Variants in MACROD2 observed in about 807,000 individuals in gnomAD.
MACROD2 encodes the protein mono-ADP ribosylhydrolase 2, also known as ADP-ribose glycohydrolase MACROD2.
In MACROD2, 36 loss-of-function variants were observed where a neutral mutation model predicts 70.4. The ratio of observed to expected loss-of-function variants is 0.51; its 90% CI spans 0.39 to 0.68. The LOEUF is 0.68. MACROD2 is among the 30% of genes least tolerant of loss of function. The pLI is 0.00. For missense variants in MACROD2, 496 were observed against 538.4 expected, an observed-to-expected ratio of 0.92 and a Z score of 0.78; for synonymous variants, 172 against 178.8, an observed-to-expected ratio of 0.96 and a Z score of 0.30.
intron 3 of MACROD2, among the ~76,000 whole-genome samples, chr20:14,100,132 C>A (rs2054278858): frequency 6.6e-6 from 1 of 151,838 alleles, no homozygotes; most frequent in African/African-American, 2.4e-5. Flanking sequence ...ATTATTATTA[C>A]TACTATCACT....
At chr20:15,808,038 G>A (rs968005967) in intron 8 of MACROD2, among the ~76,000 whole-genome samples, 2 of 152,110 alleles carry the variant, frequency 1.3e-5, no homozygotes, top group Non-Finnish European at 2.9e-5. Context: ...TTACCGGTGT[G>A]TGCATCCCCC....
intron 4 of MACROD2, among the ~76,000 whole-genome samples, chr20:14,583,158 G>A (rs1013647275): frequency 6.6e-6 from 1 of 152,194 alleles, no homozygotes; most frequent in Non-Finnish European, 1.5e-5. Context: ...GGACAGTTCT[G>A]TGCAAGCTCA....
intron 5 of MACROD2, among the ~76,000 whole-genome samples, chr20:14,999,134 C>T (rs959504501): frequency 6.6e-6 from 1 of 152,152 alleles, no homozygotes; most frequent in African/African-American, 2.4e-5. Context: ...ACAAGAAATG[C>T]TAAGGGAACT....
intron 3 of MACROD2, among the ~76,000 whole-genome samples, chr20:14,100,786 A>T (rs1032851458): frequency 7.2e-6 from 1 of 138,686 alleles, no homozygotes; most frequent in African/African-American, 2.7e-5. Flanking sequence ...TATATTACAT[A>T]TTATATATTA....
intron 8 of MACROD2, among the ~76,000 whole-genome samples, chr20:15,518,033 A>G (rs1401638079): frequency 6.6e-6 from 1 of 152,248 alleles, no homozygotes; most frequent in Admixed American, 6.5e-5. Context: ...CATTCTTTTC[A>G]AAGGCATCTG....
chr20:14,155,603 A>G (rs915541622), intron 3 of MACROD2, among the ~76,000 whole-genome samples: 2 of 152,184 alleles, frequency 1.3e-5, no homozygotes, highest in Non-Finnish European at 2.9e-5. Flanking sequence ...CTTTATTTAA[A>G]CAAGTCAAGA....
chr20:14,127,820 G>T (rs2054671514), intron 3 of MACROD2: 3 of 458,394 alleles, frequency 6.5e-6, no homozygotes, highest in Non-Finnish European at 8.6e-6. Flanking sequence ...GAGAGAAGGA[G>T]AAAAAACAGC....
intron 5 of MACROD2, among the ~76,000 whole-genome samples, chr20:14,931,778 G>A (rs530614960): frequency 7.3e-5 from 11 of 151,500 alleles, no homozygotes; most frequent in Non-Finnish European, 1.3e-4. Context: ...TGGGAAGATC[G>A]CTTGAGGCTA....
intron 2 of MACROD2, chr20:14,053,435 C>G (rs1460278833): frequency 6.6e-6 from 1 of 151,938 alleles, no homozygotes; most frequent in Non-Finnish European, 1.5e-5. Flanking sequence ...AATTATGTCT[C>G]TGCTGTGGGC....
At chr20:14,768,492 T>G (rs573673255) in intron 5 of MACROD2, among the ~76,000 whole-genome samples, 1 of 152,176 alleles carries the variant, frequency 6.6e-6, no homozygotes, top group South Asian at 2.1e-4. Flanking sequence ...CTTTTTAACA[T>G]TTTTAAAGTT....
At chr20:14,254,002 C>A (rs1258388813) in intron 3 of MACROD2, among the ~76,000 whole-genome samples, 1 of 151,334 alleles carries the variant, frequency 6.6e-6, no homozygotes. Flanking sequence ...TTTCTAAATG[C>A]CTGATAATTT....
intron 6 of MACROD2, among the ~76,000 whole-genome samples, chr20:15,359,522 CTTAA>C (rs937976452): frequency 1.1e-4 from 16 of 150,882 alleles, no homozygotes; most frequent in Middle Eastern, 3.4e-3. Context: ...ACAATAATTT[CTTAA>C]TTTATTAATT....
intron 3 of MACROD2, among the ~76,000 whole-genome samples, chr20:14,336,635 G>GCATA (rs1258121537): frequency 2.0e-5 from 3 of 152,166 alleles, no homozygotes; most frequent in Non-Finnish European, 4.4e-5. Context: ...CAAACTCACT[G>GCATA]CATACATCAG....
Position 14,882,200 on chromosome 20 carries a change from T to C in MACROD2, c.418+197241T>C, listed in dbSNP as rs531323215. 2.0e-5 allele frequency among the ~76,000 whole-genome samples: 3 copies of C among 152,306 alleles called. No individual in the cohort carries two copies. In the East Asian group the frequency reaches 5.8e-4, roughly 29 times the overall value. ...CACTTGTGATGGACTTTCCAGAGCT[T>C]GGCCCAGTCACTGAAACATGGCAAA... On this transcript the variant is annotated intron_variant, in intron 5 of 17. Coordinates refer to ENST00000684519, the MANE Select transcript of MACROD2 (RefSeq NM_001351661.2).
chr20:14,258,953 T>G (rs1320812523), intron 3 of MACROD2, among the ~76,000 whole-genome samples: 1 of 151,938 alleles, frequency 6.6e-6, no homozygotes, highest in Non-Finnish European at 1.5e-5. Flanking sequence ...TATTAATTTG[T>G]TTTTTCCCAG....
chr20:14,988,129 C>T (rs1269060517), intron 5 of MACROD2, among the ~76,000 whole-genome samples: 3 of 151,822 alleles, frequency 2.0e-5, no homozygotes, highest in Non-Finnish European at 4.4e-5. Context: ...TTTGGGAGGT[C>T]GAGGCGGGCA....
intron 5 of MACROD2, among the ~76,000 whole-genome samples, chr20:15,229,613 G>T (rs1288325944): frequency 6.6e-6 from 1 of 151,932 alleles, no homozygotes; most frequent in Non-Finnish European, 1.5e-5. Context: ...TTTATTTCCC[G>T]CCAAGGATTT....
intron 8 of MACROD2, among the ~76,000 whole-genome samples, chr20:15,622,315 C>T (rs1462374724): frequency 6.6e-6 from 1 of 152,188 alleles, no homozygotes; most frequent in Non-Finnish European, 1.5e-5. Context: ...TATTTGTGAA[C>T]TTTTTCCATA....
At chr20:14,280,105 T>C (rs903702619) in intron 3 of MACROD2, among the ~76,000 whole-genome samples, 2 of 152,164 alleles carry the variant, frequency 1.3e-5, no homozygotes, top group Admixed American at 1.3e-4. Context: ...ATGATATCTT[T>C]CCTATTTTTA....
Sources: allele counts gnomAD v4.1 joint callset (sites outside exome capture counted in the v4.1 genomes callset), GRCh38; gene constraint gnomAD v4.1.1; transcripts MANE v1.5; gene names NCBI Gene and HGNC (gene_info 2026-07-23, HGNC 2026-07-21).